The following GRIA4 variants were observed in gnomAD, a reference collection of about 807,000 sequenced individuals.
The protein encoded by GRIA4 is glutamate receptor 4.
GRIA4 carries 34 observed loss-of-function variants against 104.0 expected under a neutral mutation model. The observed-to-expected ratio is 0.33, with a 90% CI of 0.25 to 0.44. The LOEUF (loss-of-function observed/expected upper bound fraction) is 0.44, where lower values mean the gene tolerates loss of function less well. GRIA4 is among the 20% of genes least tolerant of loss of function. GRIA4 has a pLI of 1.00. For missense variants in GRIA4, 750 were observed against 1,096.5 expected, an observed-to-expected ratio of 0.68 and a Z score of 4.46; for synonymous variants, 386 against 381.9, an observed-to-expected ratio of 1.01 and a Z score of -0.13.
chr11:105,634,067 G>T (rs1951110947), intron 3 of GRIA4, among the ~76,000 whole-genome samples: 1 of 152,094 alleles, frequency 6.6e-6, no homozygotes, highest in Non-Finnish European at 1.5e-5. Flanking sequence ...ATTTGCTTGT[G>T]GCCAGGCATG....
chr11:105,621,091 GA>G (rs1950732671), intron 3 of GRIA4, among the ~76,000 whole-genome samples: 1 of 151,738 alleles, frequency 6.6e-6, no homozygotes, highest in African/African-American at 2.4e-5. Context: ...AAATATTTGA[GA>G]TGTATTCCTT....
intron 3 of GRIA4, among the ~76,000 whole-genome samples, chr11:105,622,879 A>C (rs1355408791): frequency 6.6e-6 from 1 of 151,540 alleles, no homozygotes; most frequent in African/African-American, 2.4e-5. Flanking sequence ...TATTAGTCCA[A>C]ACTCAGTTGT....
rs1591268666 is a variant in GRIA4 at position 105,794,506 on chromosome 11, T to TATAC, written c.487+41289_487+41290insCATA. On this transcript the variant is annotated intron_variant, in intron 4 of 16. Transcript: ENST00000282499. ...ATATATATATATATATATATATATATATATATACATATACACACACACACA... is the reference window on the plus strand; with the variant it reads ...ATATATATATATATATATATATATATATACATATATACATATACACACACACACA... Among the ~76,000 whole-genome samples the TATAC allele has an allele frequency of 7.3e-5, 9 of 122,672 alleles. No homozygotes were observed. The East Asian group carries it at 1.4e-3, about 19-fold the overall frequency. The allele number at this position is 122,672 out of a possible 152,430, so 80.5% of individuals were successfully genotyped here. A position where few individuals can be genotyped will look rare whatever the true frequency, so the allele number is the denominator to read the frequency against.
At chr11:105,906,081 G>A (rs914333062) in intron 9 of GRIA4, among the ~76,000 whole-genome samples, 21 of 152,018 alleles carry the variant, frequency 1.4e-4, no homozygotes, top group East Asian at 3.9e-4. Context: ...GTATTTGGCT[G>A]TTTAAAAAAA....
chr11:105,781,683 C>CT (rs1941734604), intron 4 of GRIA4, among the ~76,000 whole-genome samples: 1 of 152,012 alleles, frequency 6.6e-6, no homozygotes, highest in Non-Finnish European at 1.5e-5. Flanking sequence ...ATTTACAGTT[C>CT]TTTTAACAAT....
chr11:105,889,989 T>C (rs1321050567), intron 6 of GRIA4, among the ~76,000 whole-genome samples: 1 of 152,196 alleles, frequency 6.6e-6, no homozygotes, highest in African/African-American at 2.4e-5. Flanking sequence ...TTAACAGTAT[T>C]AGTAAAAAAC....
chr11:105,709,760 T>C (rs1269289739), intron 3 of GRIA4, among the ~76,000 whole-genome samples: 1 of 152,112 alleles, frequency 6.6e-6, no homozygotes, highest in East Asian at 1.9e-4. Context: ...GGTTTGATAC[T>C]ACCACCTCCA....
intron 6 of GRIA4, among the ~76,000 whole-genome samples, chr11:105,893,668 C>T (rs1426448045): frequency 6.6e-6 from 1 of 152,150 alleles, no homozygotes; most frequent in Admixed American, 6.6e-5. Flanking sequence ...TGCAGCTTTG[C>T]CTCTTTATGC....
intron 3 of GRIA4, among the ~76,000 whole-genome samples, chr11:105,650,535 A>C (rs1320633691): frequency 6.6e-6 from 1 of 152,178 alleles, no homozygotes; most frequent in Non-Finnish European, 1.5e-5. Flanking sequence ...AAGACTTGAC[A>C]ACAACCTAAA....
chr11:105,752,961 T>C lies in GRIA4; in HGVS notation c.248-20T>C, dbSNP rs34312836. On this transcript the variant is annotated intron_variant, in intron 3 of 16. Coordinates refer to ENST00000282499, the MANE Select transcript of GRIA4 (RefSeq NM_000829.4). ...TTGAGTGTGCTAATAGTTTGTGGTG[T>C]TTTCTTCCTCTTGTTTCAGTCTGTT... is the stretch of plus-strand genomic sequence containing the variant. 41,977 of 1,606,642 alleles carry C rather than the reference T, an allele frequency of 0.026. 723 individuals carry two copies. Among genetic ancestry groups the C allele is most frequent in the Non-Finnish European group, 0.03 (35,449 of 1,174,148 alleles).
chr11:105,815,748 A>G (rs115132403), intron 4 of GRIA4, among the ~76,000 whole-genome samples: 2,955 of 152,256 alleles, frequency 0.019, 107 homozygotes, highest in African/African-American at 0.068. Flanking sequence ...AGAGTTTGGA[A>G]ATAAAGTCTG....
intron 3 of GRIA4, among the ~76,000 whole-genome samples, chr11:105,637,545 T>C (rs1323460372): frequency 6.6e-6 from 1 of 152,148 alleles, no homozygotes; most frequent in South Asian, 2.1e-4. Context: ...AAAAGTCAAA[T>C]AAATACTCTG....
At position 105,981,775 on chromosome 11, in the gene GRIA4, G is replaced by C. The variant is rs1489381724; in HGVS notation, c.*2036G>C. ...TTTCCTCAGTGCGTAACTCCTCCCTGTCTCCTCTTTACCTGAGTAACTTGT... is the reference window on the plus strand; with the variant it reads ...TTTCCTCAGTGCGTAACTCCTCCCTCTCTCCTCTTTACCTGAGTAACTTGT... On this transcript the variant is annotated 3_prime_UTR_variant, in exon 17 of 17. Transcript: ENST00000282499. 6.6e-6 allele frequency: 1 copy of C among 152,494 alleles called. No individual in the cohort carries two copies. Among genetic ancestry groups the C allele is most frequent in the Non-Finnish European group, 1.5e-5 (1 of 68,064 alleles). 9.4% of individuals were successfully genotyped at this position (152,494 alleles called of 1,614,324 possible).
intron 3 of GRIA4, among the ~76,000 whole-genome samples, chr11:105,729,936 A>G (rs1225064933): frequency 6.6e-6 from 1 of 152,232 alleles, no homozygotes; most frequent in African/African-American, 2.4e-5. Context: ...CTGAGTGGGC[A>G]AAAGCTGGAA....
At chr11:105,892,811 C>A (rs187568386) in intron 6 of GRIA4, among the ~76,000 whole-genome samples, 3 of 152,302 alleles carry the variant, frequency 2.0e-5, no homozygotes, top group Admixed American at 2.0e-4. Context: ...GGTAAGCTAG[C>A]AATTCCCCCA....
intron 14 of GRIA4, among the ~76,000 whole-genome samples, chr11:105,951,459 T>C (rs1948453991): frequency 1.3e-5 from 2 of 152,240 alleles, no homozygotes; most frequent in Non-Finnish European, 2.9e-5. Context: ...TGGTCTCATT[T>C]GAAACAAAGC....
intron 3 of GRIA4, among the ~76,000 whole-genome samples, chr11:105,637,417 T>A (rs1951235718): frequency 6.6e-6 from 1 of 152,086 alleles, no homozygotes; most frequent in Non-Finnish European, 1.5e-5. Context: ...GTGCACATTG[T>A]GTAAGATGAA....
At chr11:105,812,162 AC>A (rs1370239598) in intron 4 of GRIA4, among the ~76,000 whole-genome samples, 2 of 152,102 alleles carry the variant, frequency 1.3e-5, no homozygotes, top group East Asian at 3.9e-4. Flanking sequence ...TTTCACAAAG[AC>A]CTTTGAGTTC....
chr11:105,963,578 AC>A (rs1348537864), intron 14 of GRIA4, among the ~76,000 whole-genome samples: 1 of 152,152 alleles, frequency 6.6e-6, no homozygotes, highest in Non-Finnish European at 1.5e-5. Context: ...CTGGAAGGAA[AC>A]CATGTAGATT....
Sources: gnomAD v4.1 joint callset for allele counts (sites outside exome capture counted in the v4.1 genomes callset) on GRCh38, gnomAD v4.1.1 for gene constraint, MANE v1.5 for transcripts, NCBI Gene and HGNC (gene_info 2026-07-23, HGNC 2026-07-21) for gene names.